RIMS1: variants seen among roughly 807,000 people sequenced by gnomAD.
RIMS1 encodes the protein regulating synaptic membrane exocytosis protein 1.
A neutral mutation model predicts 214.1 loss-of-function variants in RIMS1; 83 were observed. The ratio of observed to expected loss-of-function variants is 0.39; its 90% CI spans 0.32 to 0.47. RIMS1 has a LOEUF of 0.47. Ranked by LOEUF, RIMS1 falls within the 20% of genes least tolerant of loss-of-function variation. The pLI is 0.99. For synonymous variants in RIMS1, 793 were observed against 786.8 expected, an observed-to-expected ratio of 1.01 and a Z score of -0.13; for missense variants, 2,050 against 2,161.8, an observed-to-expected ratio of 0.95 and a Z score of 1.03.
chr6:71,901,432 T>A (rs78832657), intron 1 of RIMS1, among the ~76,000 whole-genome samples: 3,010 of 152,120 alleles, frequency 0.02, 105 homozygotes, highest in African/African-American at 0.069. Flanking sequence ...TATTCCACAA[T>A]AAACAGGAAT....
chr6:71,943,967 G>A (rs1027816369), intron 1 of RIMS1, among the ~76,000 whole-genome samples: 28 of 152,160 alleles, frequency 1.8e-4, no homozygotes, highest in African/African-American at 5.8e-4. Flanking sequence ...AAATTTTAAC[G>A]TGTAATATAG....
intron 29 of RIMS1, among the ~76,000 whole-genome samples, chr6:72,362,253 G>A (rs1206564967): frequency 6.6e-6 from 1 of 152,084 alleles, no homozygotes; most frequent in Non-Finnish European, 1.5e-5. Context: ...GGATGAAGTA[G>A]TACAAGTCTG....
intron 1 of RIMS1, among the ~76,000 whole-genome samples, chr6:71,909,374 C>T (rs947405838): frequency 5.9e-5 from 9 of 152,206 alleles, no homozygotes; most frequent in South Asian, 2.1e-4. Flanking sequence ...ATAGATACCA[C>T]GGAGTGTGTT....
intron 29 of RIMS1, among the ~76,000 whole-genome samples, chr6:72,365,428 A>T (rs865853373): frequency 4.6e-5 from 7 of 152,236 alleles, no homozygotes; most frequent in Admixed American, 1.3e-4. Flanking sequence ...CTTTTGAATT[A>T]CATAGACTTC....
intron 23 of RIMS1, among the ~76,000 whole-genome samples, chr6:72,275,267 C>T (rs1357357837): frequency 6.7e-6 from 1 of 150,210 alleles, no homozygotes; most frequent in Non-Finnish European, 1.5e-5. Flanking sequence ...AGCAGAAATT[C>T]AGCCAACGCA....
intron 4 of RIMS1, among the ~76,000 whole-genome samples, chr6:72,177,925 AC>A (rs1403935639): frequency 6.6e-6 from 1 of 152,198 alleles, no homozygotes; most frequent in Non-Finnish European, 1.5e-5. Flanking sequence ...TGTAAAATAT[AC>A]CCTTATTTGG....
intron 2 of RIMS1, among the ~76,000 whole-genome samples, chr6:72,060,080 A>G (rs1425071817): frequency 1.3e-5 from 2 of 152,030 alleles, no homozygotes; most frequent in Non-Finnish European, 2.9e-5. Flanking sequence ...CTAGGATTAC[A>G]GGGATGCACC....
chr6:71,984,848 C>T lies in RIMS1; in HGVS notation c.245+15785C>T, dbSNP rs545727576. 2.6e-5 allele frequency among the ~76,000 whole-genome samples: 4 copies of T among 151,928 alleles called. No homozygotes were observed. In the East Asian group the frequency reaches 7.7e-4, roughly 29 times the overall value. ...TGTTTGTATCTATCATCATTATTGC[C>T]TATCCATCTATCTATAAGCTGATGA... On this transcript the variant is annotated intron_variant, in intron 2 of 33. Coordinates refer to ENST00000521978, the MANE Select transcript of RIMS1 (RefSeq NM_014989.7).
At chr6:72,332,664 AC>A (rs2096710674) in intron 28 of RIMS1, among the ~76,000 whole-genome samples, 1 of 150,530 alleles carries the variant, frequency 6.6e-6, no homozygotes, top group East Asian at 2.0e-4. Flanking sequence ...GTGCACATGT[AC>A]CCTAAAACTT....
chr6:72,020,891 C>A (rs1297771060), intron 2 of RIMS1, among the ~76,000 whole-genome samples: 10 of 152,106 alleles, frequency 6.6e-5, no homozygotes. Context: ...TGAAACTAAA[C>A]CCTGTTAGAA....
chr6:72,231,879 T>C (rs780948440), intron 6 of RIMS1, among the ~76,000 whole-genome samples: 7 of 151,748 alleles, frequency 4.6e-5, no homozygotes, highest in Middle Eastern at 3.4e-3. Flanking sequence ...TGATTTATAA[T>C]ATTAATAGAT....
chr6:72,016,726 T>C (rs963225292), intron 2 of RIMS1, among the ~76,000 whole-genome samples: 1 of 152,228 alleles, frequency 6.6e-6, no homozygotes, highest in African/African-American at 2.4e-5. Flanking sequence ...AGTCTTCTTT[T>C]AACTGTATTT....
rs952830209 is a variant in RIMS1, at chr6:72,237,900, T to C, written c.1935T>C (p.Asp645=). The C allele has an allele frequency of 2.5e-6, 4 of 1,613,068 alleles. No homozygotes were observed. The highest frequency in any genetic ancestry group is 3.4e-6 in the Non-Finnish European group (4 of 1,179,342). The change falls in exon 9 of 34, where the codon GAT becomes GAC. Residue 645 remains aspartate, a synonymous_variant. Transcript: ENST00000521978. ...AAGTAAAGAAGGGTAGCCTAGCAGA[T>C]GTAGTTGGACACCTAAGAGCAGGTA... The part of the protein sequence containing the change: ...ITKVKKGSLA[D]VVGHLRAGDE...
intron 2 of RIMS1, among the ~76,000 whole-genome samples, chr6:71,994,859 G>T (rs1320652262): frequency 6.6e-6 from 1 of 152,194 alleles, no homozygotes; most frequent in Admixed American, 6.6e-5. Flanking sequence ...CTAAGTGCCT[G>T]GGGAAGGGAA....
chr6:72,292,034 A>T lies in RIMS1; in HGVS notation c.3838A>T (p.Ser1280Cys). The T allele has an allele frequency of 6.4e-7, 1 of 1,554,140 alleles. No individual in the cohort carries two copies. Among genetic ancestry groups the T allele is most frequent in the Non-Finnish European group, 8.7e-7 (1 of 1,148,094 alleles). ...CCCACAAGTGCCAGTGAGAAGCGGC[A>T]GTATAGAACAAGGTATCCGATAAAG... ...QLPQVPVRSG[S>C]IEQASLVVEE... is the part of the protein sequence containing the mutation. The change falls in exon 26 of 34, where the codon AGT (serine) becomes TGT (cysteine). Residue 1280 changes from serine to cysteine, a missense_variant. By Grantham distance (112) the Ser-to-Cys change is moderately radical. This residue lies in a region of RIMS1 where 889 missense variants were observed against 885.5 expected (regional missense o/e 1.00). Coordinates refer to ENST00000521978, the MANE Select transcript of RIMS1 (RefSeq NM_014989.7).
intron 6 of RIMS1, among the ~76,000 whole-genome samples, chr6:72,205,965 T>C (rs555646404): frequency 2.6e-5 from 4 of 152,190 alleles, no homozygotes; most frequent in Admixed American, 6.5e-5. Context: ...TACTATATGG[T>C]ATGTTTTTGA....
At chr6:71,894,119 G>T (rs1770849225) in intron 1 of RIMS1, among the ~76,000 whole-genome samples, 1 of 152,170 alleles carries the variant, frequency 6.6e-6, no homozygotes, top group Admixed American at 6.5e-5. Context: ...CTTGATCATT[G>T]TTTGGTAAAT....
At chr6:72,270,313 G>A (rs1357104943) in intron 22 of RIMS1, among the ~76,000 whole-genome samples, 3 of 152,100 alleles carry the variant, frequency 2.0e-5, no homozygotes, top group Non-Finnish European at 4.4e-5. Flanking sequence ...TGAATAATTA[G>A]AACAGACAAT....
chr6:72,294,829 G>C (rs1263794433), intron 26 of RIMS1, among the ~76,000 whole-genome samples: 1 of 151,712 alleles, frequency 6.6e-6, no homozygotes, highest in Non-Finnish European at 1.5e-5. Flanking sequence ...TTATGTTGAA[G>C]TAGATTTAGG....
Sources: allele counts gnomAD v4.1 joint callset (sites outside exome capture counted in the v4.1 genomes callset), GRCh38; gene constraint gnomAD v4.1.1; regional missense constraint gnomAD v4.1.1; transcripts MANE v1.5; gene names NCBI Gene and HGNC (gene_info 2026-07-23, HGNC 2026-07-21).